The following DOCK3 variants were observed in gnomAD, a reference collection of about 807,000 sequenced individuals.
DOCK3 encodes dedicator of cytokinesis protein 3.
A neutral mutation model predicts 265.6 loss-of-function variants in DOCK3; 60 were observed. The observed-to-expected ratio is 0.23, with a 90% CI of 0.18 to 0.28. The LOEUF is 0.28. Ranked by LOEUF, DOCK3 falls within the 10% of genes least tolerant of loss-of-function variation. DOCK3 has a pLI of 1.00. For synonymous variants in DOCK3, 881 were observed against 938.0 expected, an observed-to-expected ratio of 0.94 and a Z score of 1.11; for missense variants, 1,981 against 2,594.3, an observed-to-expected ratio of 0.76 and a Z score of 5.14.
chr3:50,718,771 ATTTTTT>A (rs373965842), intron 1 of DOCK3, among the ~76,000 whole-genome samples: 1,252 of 76,902 alleles, frequency 0.016, 27 homozygotes, highest in African/African-American at 0.029. Flanking sequence ...TTGTGGGTTG[ATTTTTT>A]TTTTTTTTTT....
rs527992296 is a variant in DOCK3 at position 51,252,265 on chromosome 3, C to T, written c.2184+5458C>T. ...TACCATGCTGTTTTGGTTACTGTAGCCTTGTAGTATAGTTTGAAGTCAGGT... is the reference window on the plus strand; with the variant it reads ...TACCATGCTGTTTTGGTTACTGTAGTCTTGTAGTATAGTTTGAAGTCAGGT... On this transcript the variant is annotated intron_variant, in intron 22 of 52. Coordinates refer to ENST00000266037, the MANE Select transcript of DOCK3 (RefSeq NM_004947.5). Among the ~76,000 whole-genome samples, 3 of 152,318 alleles carry T rather than the reference C, an allele frequency of 2.0e-5. No homozygotes were observed. In the South Asian group the frequency reaches 6.2e-4, roughly 32 times the overall value.
intron 27 of DOCK3, among the ~76,000 whole-genome samples, chr3:51,290,415 C>T (rs906037050): frequency 6.6e-6 from 1 of 152,116 alleles, no homozygotes; most frequent in Non-Finnish European, 1.5e-5. Context: ...AACCATCATT[C>T]TCAGCAAACT....
chr3:51,208,767 G>A lies in DOCK3; in HGVS notation c.1038-7G>A. ...TGAGTACCATAACACCTGTCCTTCT[G>A]TTACAGGTGCAACAACGAGAGTGAG... On this transcript the variant is annotated splice_polypyrimidine_tract_variant and splice_region_variant and intron_variant, in intron 12 of 52. Transcript: ENST00000266037. 2 of 1,603,446 alleles carry A rather than the reference G, an allele frequency of 1.2e-6. No homozygotes were observed. Among genetic ancestry groups the A allele is most frequent in the Non-Finnish European group, 1.7e-6 (2 of 1,174,612 alleles).
chr3:50,732,358 A>G (rs904786872), intron 1 of DOCK3, among the ~76,000 whole-genome samples: 1 of 152,054 alleles, frequency 6.6e-6, no homozygotes, highest in Admixed American at 6.6e-5. Flanking sequence ...CCACCATAGC[A>G]CATGTTTACC....
intron 3 of DOCK3, among the ~76,000 whole-genome samples, chr3:50,845,655 A>C (rs1360794474): frequency 6.6e-6 from 1 of 152,176 alleles, no homozygotes; most frequent in East Asian, 1.9e-4. Flanking sequence ...CATTCAACAG[A>C]GATGTGGACC....
chr3:50,758,450 T>TA (rs1049438190), intron 1 of DOCK3, among the ~76,000 whole-genome samples: 29 of 151,742 alleles, frequency 1.9e-4, no homozygotes, highest in East Asian at 1.9e-4. Flanking sequence ...ATTACGACAG[T>TA]AAAAAAAAGA....
At chr3:50,839,705 TCCCCTCCCCTCCTCTCCC>T (rs2045711725) in intron 2 of DOCK3, among the ~76,000 whole-genome samples, 1 of 31,952 alleles carries the variant, frequency 3.1e-5, no homozygotes. Flanking sequence ...TCCCCTCCCC[TCCCCTCCCCTCCTCTCCC>T]CTCCCCTCCC....
chr3:50,843,625 T>A lies in DOCK3; in HGVS notation c.162+1910T>A, dbSNP rs569403884. Among the ~76,000 whole-genome samples the A allele has an allele frequency of 9.2e-5, 14 of 152,342 alleles. No individual in the cohort carries two copies. In the East Asian group the frequency reaches 2.5e-3, roughly 27 times the overall value. ...AAATGAGGAACCTAACTCACACTAC[T>A]CTAAAGAATGTTAGAGCTCATTTTA... On this transcript the variant is annotated intron_variant, in intron 3 of 52. Transcript: ENST00000266037.
chr3:50,985,177 C>T (rs1330014308), intron 5 of DOCK3, among the ~76,000 whole-genome samples: 2 of 152,094 alleles, frequency 1.3e-5, no homozygotes, highest in Non-Finnish European at 2.9e-5. Flanking sequence ...CAAGCAATCA[C>T]CAAAAATTTT....
intron 5 of DOCK3, among the ~76,000 whole-genome samples, chr3:51,040,101 A>G (rs1366122581): frequency 4.0e-5 from 6 of 151,760 alleles, no homozygotes; most frequent in African/African-American, 1.5e-4. Context: ...TATACCACCT[A>G]CTAATCAATC....
intron 9 of DOCK3, among the ~76,000 whole-genome samples, chr3:51,105,212 T>C (rs1012260927): frequency 5.9e-5 from 9 of 152,008 alleles, no homozygotes; most frequent in African/African-American, 2.2e-4. Flanking sequence ...GGGCCTTATG[T>C]ATAAAGAAGA....
intron 1 of DOCK3, among the ~76,000 whole-genome samples, chr3:50,713,570 A>G (rs2036904499): frequency 6.6e-6 from 1 of 152,186 alleles, no homozygotes; most frequent in Non-Finnish European, 1.5e-5. Context: ...TGTTTCAAGT[A>G]CAGTAATTTT....
intron 23 of DOCK3, 98 bp from the exon 24 acceptor site, chr3:51,270,717 C>T: frequency 1.6e-6 from 2 of 1,273,306 alleles, no homozygotes; most frequent in East Asian, 2.5e-5. Flanking sequence ...TGCTACAGTG[C>T]CTTCTCAGCC....
At chr3:51,016,508 A>C (rs2079250861) in intron 5 of DOCK3, among the ~76,000 whole-genome samples, 1 of 96,258 alleles carries the variant, frequency 1.0e-5, no homozygotes, top group Non-Finnish European at 1.8e-5. Context: ...TACATAATAT[A>C]TATATCATAT....
intron 7 of DOCK3, among the ~76,000 whole-genome samples, chr3:51,088,473 C>A (rs189753360): frequency 2.3e-3 from 349 of 152,204 alleles, no homozygotes; most frequent in African/African-American, 8.0e-3. Context: ...ATTCTAAATA[C>A]CCTGATTTGA....
chr3:51,232,681 G>A (rs908099324), intron 19 of DOCK3, among the ~76,000 whole-genome samples: 1 of 152,174 alleles, frequency 6.6e-6, no homozygotes, highest in Admixed American at 6.6e-5. Flanking sequence ...CTTCTTTGGA[G>A]AAATGTCTAT....
chr3:51,077,853 A>G (rs2082104362), intron 7 of DOCK3, among the ~76,000 whole-genome samples: 1 of 152,212 alleles, frequency 6.6e-6, no homozygotes, highest in South Asian at 2.1e-4. Context: ...CATATGGTAT[A>G]TAAGGCTCTA....
chr3:50,705,555 A>G (rs2036351747), intron 1 of DOCK3, among the ~76,000 whole-genome samples: 1 of 152,128 alleles, frequency 6.6e-6, no homozygotes, highest in Admixed American at 6.6e-5. Context: ...AGCTGAGACT[A>G]CAGGCACGCA....
intron 1 of DOCK3, among the ~76,000 whole-genome samples, chr3:50,775,630 AGGTTTT>A (rs1202522261): frequency 6.6e-6 from 1 of 152,026 alleles, no homozygotes; most frequent in African/African-American, 2.4e-5. Context: ...GAGTAGAGGT[AGGTTTT>A]GGTTTCATGG....
Sources: allele counts gnomAD v4.1 joint callset (sites outside exome capture counted in the v4.1 genomes callset), GRCh38; gene constraint gnomAD v4.1.1; transcripts MANE v1.5; gene names NCBI Gene and HGNC (gene_info 2026-07-23, HGNC 2026-07-21).